TBC1D32: variants seen among roughly 807,000 people sequenced by gnomAD.
TBC1D32 encodes protein broad-minded.
Under a neutral mutation model 170.3 loss-of-function variants are expected in TBC1D32, and 151 were observed. That is an observed-to-expected ratio of 0.89 (90% CI 0.78 to 1.01). The LOEUF (loss-of-function observed/expected upper bound fraction) is 1.01. Among genes scored for constraint, TBC1D32 ranks in the 50% least tolerant of loss-of-function variants. The pLI is 0.00. For synonymous variants in TBC1D32, 498 were observed against 488.0 expected (o/e 1.02, Z -0.27); for missense variants, 1,464 against 1,457.1 (o/e 1.00, Z -0.08).
chr6:121,320,231 G>GAA (rs1274581422), intron 2 of TBC1D32, among the ~76,000 whole-genome samples: 4 of 131,496 alleles, frequency 3.0e-5, no homozygotes, highest in Non-Finnish European at 6.5e-5. Context: ...AAAAAACTGG[G>GAA]AAAAAAAAAA....
At chr6:121,217,977 T>C (rs1314346355) in intron 21 of TBC1D32, among the ~76,000 whole-genome samples, 2 of 152,116 alleles carry the variant, frequency 1.3e-5, no homozygotes, top group Admixed American at 1.3e-4. Context: ...GAAACAGAAT[T>C]GATTTGGGAA....
At chr6:121,254,338 A>T (rs1456300480) in intron 17 of TBC1D32, among the ~76,000 whole-genome samples, 2 of 152,196 alleles carry the variant, frequency 1.3e-5, no homozygotes, top group Non-Finnish European at 2.9e-5. Context: ...ATCACCACTG[A>T]AGAATGCATC....
intron 31 of TBC1D32, among the ~76,000 whole-genome samples, chr6:121,085,975 CT>C (rs1776235292): frequency 6.6e-6 from 1 of 151,970 alleles, no homozygotes; most frequent in South Asian, 2.1e-4. Context: ...TACATGATAT[CT>C]TAAGAAGTCT....
At chr6:121,143,537 C>T (rs1160754281) in intron 24 of TBC1D32, among the ~76,000 whole-genome samples, 1 of 152,104 alleles carries the variant, frequency 6.6e-6, no homozygotes, top group Non-Finnish European at 1.5e-5. Context: ...ACCATGTGCA[C>T]ACAACCGAAG....
At chr6:121,294,486 A>T (rs1338888245) in intron 11 of TBC1D32, 84 bp downstream of exon 11, 2 of 993,694 alleles carry the variant, frequency 2.0e-6, no homozygotes, top group Non-Finnish European at 3.0e-6. Context: ...AACAATCATT[A>T]AAAAATAAAA....
intron 4 of TBC1D32, among the ~76,000 whole-genome samples, chr6:121,308,683 C>CTTTTTTTTTTTTTTTT (rs1323383540): frequency 2.1e-5 from 1 of 47,256 alleles, no homozygotes; most frequent in African/African-American, 1.1e-4. Flanking sequence ...AGAAAGCTTA[C>CTTTTTTTTTTTTTTTT]TTCTTTTTTT....
At chr6:121,170,335 A>G (rs548326959) in intron 22 of TBC1D32, 2 of 1,402,786 alleles carry the variant, frequency 1.4e-6, no homozygotes, top group South Asian at 3.3e-5. Flanking sequence ...AGCTATATCA[A>G]AAATTACTGT....
chr6:121,317,477 C>A lies in TBC1D32; in HGVS notation c.495+18G>T. On this transcript the variant is annotated intron_variant, in intron 3 of 31. Transcript: ENST00000398212. ...TAAACAGCATTTCAAGACATAAATG[C>A]AAAACTGAACAACACACCTGATTCA... The A allele has an allele frequency of 6.6e-7, 1 of 1,518,610 alleles. No homozygotes were observed. The highest frequency in any genetic ancestry group is 2.1e-5 in the Admixed American group (1 of 47,832). 94.1% of individuals were successfully genotyped at this position (1,518,610 alleles called of 1,614,324 possible). A position where few individuals can be genotyped will look rare whatever the true frequency, so the allele number is the denominator to read the frequency against.
chr6:121,223,191 ATAG>A, intron 21 of TBC1D32, 42 bp downstream of exon 21: 1 of 1,239,544 alleles, frequency 8.1e-7, no homozygotes, highest in Non-Finnish European at 1.1e-6. Flanking sequence ...CCAATCTCAA[ATAG>A]TAGCATTTAT....
chr6:121,118,881 T>TCTA (rs1241243657), intron 26 of TBC1D32, among the ~76,000 whole-genome samples: 8 of 152,288 alleles, frequency 5.3e-5, no homozygotes, highest in African/African-American at 1.9e-4. Flanking sequence ...TTGTGACCAG[T>TCTA]CTACTGTACA....
intron 17 of TBC1D32, among the ~76,000 whole-genome samples, chr6:121,253,650 C>T (rs1336903410): frequency 2.6e-5 from 4 of 151,836 alleles, no homozygotes; most frequent in East Asian, 3.9e-4. Flanking sequence ...ATCTGGGAGG[C>T]GGAGCTTTCA....
At chr6:121,297,857 A>G (rs1193132657) in intron 10 of TBC1D32, among the ~76,000 whole-genome samples, 1 of 152,128 alleles carries the variant, frequency 6.6e-6, no homozygotes, top group Non-Finnish European at 1.5e-5. Context: ...ACCATATTGT[A>G]CAACACAGAT....
intron 22 of TBC1D32, among the ~76,000 whole-genome samples, chr6:121,175,038 A>C (rs981338854): frequency 2.0e-5 from 3 of 149,944 alleles, no homozygotes; most frequent in African/African-American, 7.4e-5. Context: ...AAAAAAAAAA[A>C]CTGATAAGAT....
chr6:121,195,159 C>T (rs1282015114), intron 22 of TBC1D32, among the ~76,000 whole-genome samples: 1 of 152,162 alleles, frequency 6.6e-6, no homozygotes, highest in African/African-American at 2.4e-5. Flanking sequence ...GAAAGGCTGC[C>T]AGTTTTGAGT....
intron 24 of TBC1D32, among the ~76,000 whole-genome samples, chr6:121,150,088 G>A (rs1048107438): frequency 3.9e-5 from 6 of 152,130 alleles, no homozygotes; most frequent in Admixed American, 2.0e-4. Context: ...CCTTATCTGT[G>A]CCAGTTTTCA....
rs115573157 is a variant in TBC1D32, at chr6:121,191,129, A to T, written c.2570+13946T>A. ...GTGTGGATATGTAATATACATTTAC[A>T]TGTACATATATACATATATTTGGAT... is the stretch of plus-strand genomic sequence containing the variant. On this transcript the variant is annotated intron_variant, in intron 22 of 31. Transcript: ENST00000398212. 1.5e-3 allele frequency among the ~76,000 whole-genome samples: 230 copies of T among 152,272 alleles called. 1 individual carries two copies. The highest frequency in any genetic ancestry group is 5.4e-3 in the African/African-American group (223 of 41,566).
intron 23 of TBC1D32, 120 bp downstream of exon 23, chr6:121,160,828 T>C (rs1025730438): frequency 1.8e-5 from 13 of 730,382 alleles, no homozygotes; most frequent in Non-Finnish European, 2.9e-5. Flanking sequence ...TCTCAAGTAA[T>C]AAGTTCAACT....
At chr6:121,253,651 G>A (rs778281399) in intron 17 of TBC1D32, among the ~76,000 whole-genome samples, 9 of 151,980 alleles carry the variant, frequency 5.9e-5, no homozygotes, top group Non-Finnish European at 1.2e-4. Context: ...TCTGGGAGGC[G>A]GAGCTTTCAG....
intron 24 of TBC1D32, among the ~76,000 whole-genome samples, chr6:121,154,039 C>CAAAAA (rs71018115): frequency 0.01 from 1,358 of 129,630 alleles, 39 homozygotes; most frequent in African/African-American, 0.038. Context: ...CACTAGGGTA[C>CAAAAA]AAAAAAAAAA....
Sources: gnomAD v4.1 joint callset for allele counts (sites outside exome capture counted in the v4.1 genomes callset) on GRCh38, gnomAD v4.1.1 for gene constraint, MANE v1.5 for transcripts, NCBI Gene and HGNC (gene_info 2026-07-23, HGNC 2026-07-21) for gene names.